The following HS1BP3 variants were observed in gnomAD, a reference collection of about 807,000 sequenced individuals.
HS1BP3 encodes the protein HCLS1-binding protein 3.
In HS1BP3, 32 loss-of-function variants were observed where a neutral mutation model predicts 33.5. The ratio of observed to expected loss-of-function variants is 0.95; its 90% CI spans 0.72 to 1.28. HS1BP3 has a LOEUF of 1.28. HS1BP3 is among the 50% of genes most tolerant of loss of function. The pLI, the probability that HS1BP3 is intolerant of heterozygous loss-of-function variation, is 0.00. For synonymous variants in HS1BP3, 187 were observed against 209.2 expected (o/e 0.89, Z 0.92); for missense variants, 486 against 502.3 (o/e 0.97, Z 0.31).
Position 20,638,230 on chromosome 2 carries a change from G to A in HS1BP3, c.623+206C>T. The A allele has an allele frequency of 5.0e-6, 3 of 604,540 alleles. No homozygotes were observed. The Admixed American group carries it at 9.0e-5, about 18-fold the overall frequency. The allele number at this position is 604,540 out of a possible 1,614,324, so 37.4% of individuals were successfully genotyped here. On this transcript the variant is annotated intron_variant, in intron 4 of 6. Transcript: ENST00000304031. ...ACCCGAGAAGGGAGGCGACACCTAA[G>A]CCCAGTCCCAGAGACATGCACACCA...
chr2:20,640,597 C>G, intron 3 of HS1BP3: 1 of 482,296 alleles, frequency 2.1e-6, no homozygotes. Context: ...CTGCAGGTCC[C>G]TAGGGCTGGT....
Position 20,618,601 on chromosome 2 carries a change from G to A in HS1BP3, c.*386C>T. ...CCCAGCCCCAGTTTGGGTCTGTGCT[G>A]GGGCTGGCAGAACCCGTGGGCATGA... On this transcript the variant is annotated 3_prime_UTR_variant, in exon 7 of 7. Coordinates refer to ENST00000304031, the MANE Select transcript of HS1BP3 (RefSeq NM_022460.4). 1.5e-6 allele frequency: 1 copy of A among 679,398 alleles called. No individual in the cohort carries two copies. Among genetic ancestry groups the A allele is most frequent in the Non-Finnish European group, 1.9e-6 (1 of 530,548 alleles). 42.1% of individuals were successfully genotyped at this position (679,398 alleles called of 1,614,324 possible).
chr2:20,642,364 G>GA (rs748907423), intron 2 of HS1BP3, among the ~76,000 whole-genome samples: 89 of 152,114 alleles, frequency 5.9e-4, no homozygotes, highest in Non-Finnish European at 9.7e-4. Flanking sequence ...GAGGCAGCTG[G>GA]GGGGATTTCA....
Position 20,638,576 on chromosome 2 carries a change from C to G in HS1BP3, c.483G>C (p.Gly161=). The stretch of plus-strand genomic sequence containing the variant: ...AAAAGTCGAAAGCCTCTTCATCATT[C>G]CCTGTCTGACTGTCTGTGCCATCCA... ...SVLDGTDSQT[G]NDEEAFDFFE... is the part of the protein sequence containing the mutation. The change falls in exon 4 of 7, where the codon GGG becomes GGC. Residue 161 remains glycine, a synonymous_variant. Transcript: ENST00000304031. 4 of 1,614,230 alleles carry G rather than the reference C, an allele frequency of 2.5e-6. No individual in the cohort carries two copies. In the South Asian group the frequency reaches 4.4e-5, roughly 18 times the overall value.
intron 5 of HS1BP3, among the ~76,000 whole-genome samples, chr2:20,579,379 C>T (rs911028478): frequency 2.6e-5 from 4 of 152,252 alleles, no homozygotes; most frequent in Non-Finnish European, 2.9e-5. Context: ...AGAGACAGGG[C>T]TTCCCCAGAT....
intron 2 of HS1BP3, among the ~76,000 whole-genome samples, chr2:20,610,138 T>A (rs1694288749): frequency 6.6e-6 from 1 of 152,070 alleles, no homozygotes; most frequent in African/African-American, 2.4e-5. Context: ...CCCCCACACA[T>A]GCACAGCCTC....
intron 5 of HS1BP3, among the ~76,000 whole-genome samples, chr2:20,561,259 C>T (rs1303212974): frequency 1.3e-5 from 2 of 152,180 alleles, no homozygotes; most frequent in African/African-American, 4.8e-5. Context: ...CATGGGATCC[C>T]TTTCTCCCAC....
At chr2:20,603,778 A>G (rs1316327760) in intron 2 of HS1BP3, among the ~76,000 whole-genome samples, 1 of 152,264 alleles carries the variant, frequency 6.6e-6, no homozygotes, top group Admixed American at 6.5e-5. Context: ...AACATAATGG[A>G]AGCCACCATG....
intron 4 of HS1BP3, among the ~76,000 whole-genome samples, chr2:20,626,239 T>C (rs1288830116): frequency 6.6e-6 from 1 of 152,226 alleles, no homozygotes; most frequent in African/African-American, 2.4e-5. Flanking sequence ...GTCTGAGGTC[T>C]GGCAGAATCC....
Position 20,618,889 on chromosome 2 carries a change from G to C in HS1BP3, c.*98C>G, listed in dbSNP as rs924744271. ...CCAGGCTTCTGCCTGGCCTCCCCTG[G>C]GGGTGGGGAGGTTCTGACCCTGCAG... On this transcript the variant is annotated 3_prime_UTR_variant, in exon 7 of 7. Coordinates refer to ENST00000304031, the MANE Select transcript of HS1BP3 (RefSeq NM_022460.4). 1 of 1,471,990 alleles carries C rather than the reference G, an allele frequency of 6.8e-7. No homozygotes were observed. The highest frequency in any genetic ancestry group is 2.4e-5 in the East Asian group (1 of 41,230). 91.2% of individuals were successfully genotyped at this position (1,471,990 alleles called of 1,614,324 possible).
chr2:20,554,819 A>G, the HS1BP3 span, among the ~76,000 whole-genome samples: 1 of 151,938 alleles, frequency 6.6e-6, no homozygotes, highest in South Asian at 2.1e-4. Flanking sequence ...TCCTTTGGCT[A>G]CATTTACCTT....
Position 20,633,488 on chromosome 2 carries a change from G to A in HS1BP3, c.623+4948C>T, listed in dbSNP as rs373020601. Among the ~76,000 whole-genome samples the A allele has an allele frequency of 4.1e-4, 63 of 152,308 alleles. No homozygotes were observed. In the South Asian group the frequency reaches 0.013, roughly 31 times the overall value. On this transcript the variant is annotated intron_variant, in intron 4 of 6. Coordinates refer to ENST00000304031, the MANE Select transcript of HS1BP3 (RefSeq NM_022460.4). ...CCTAACAGCCCATTCATTCAGGCAG[G>A]ACTTTGTGCAGTAATCTGTTTTTTT...
chr2:20,610,010 C>T (rs1184197013), intron 2 of HS1BP3, among the ~76,000 whole-genome samples: 4 of 152,200 alleles, frequency 2.6e-5, no homozygotes, highest in South Asian at 2.1e-4. Context: ...GCATCTTCTA[C>T]TTCATGAGCT....
chr2:20,554,653 C>T, the HS1BP3 span, among the ~76,000 whole-genome samples: 34 of 145,002 alleles, frequency 2.3e-4, no homozygotes, highest in Admixed American at 2.1e-3. Flanking sequence ...ACCCAGGAGG[C>T]GGAGGTTGCA....
chr2:20,568,559 C>T (rs1240113628), intron 5 of HS1BP3, among the ~76,000 whole-genome samples: 8 of 152,112 alleles, frequency 5.3e-5, no homozygotes, highest in Non-Finnish European at 7.4e-5. Flanking sequence ...GGGGACTAGA[C>T]AGGAGGTGAG....
At chr2:20,633,061 C>T (rs1695015832) in intron 4 of HS1BP3, among the ~76,000 whole-genome samples, 1 of 152,214 alleles carries the variant, frequency 6.6e-6, no homozygotes, top group South Asian at 2.1e-4. Context: ...AGCCACTGGG[C>T]CTCTACTTTA....
intron 1 of HS1BP3, among the ~76,000 whole-genome samples, chr2:20,646,496 A>G (rs1695523822): frequency 6.6e-6 from 1 of 152,252 alleles, no homozygotes; most frequent in Admixed American, 6.5e-5. Context: ...TCACCAGCAC[A>G]ACGCTGCTGT....
At chr2:20,575,676 C>T (rs982376418) in intron 5 of HS1BP3, among the ~76,000 whole-genome samples, 9 of 152,218 alleles carry the variant, frequency 5.9e-5, no homozygotes, top group African/African-American at 2.2e-4. Context: ...CAAGGCCCGG[C>T]ATTCCTTATC....
chr2:20,582,030 G>A (rs112426221), intron 5 of HS1BP3, among the ~76,000 whole-genome samples: 1 of 152,190 alleles, frequency 6.6e-6, no homozygotes, highest in African/African-American at 2.4e-5. Context: ...AAAATAGTCT[G>A]TTTTTATTAA....
Sources: allele counts gnomAD v4.1 joint callset (sites outside exome capture counted in the v4.1 genomes callset), GRCh38; gene constraint gnomAD v4.1.1; transcripts MANE v1.5; gene names NCBI Gene and HGNC (gene_info 2026-07-23, HGNC 2026-07-21).